CSF2RA: variants seen among roughly 807,000 people sequenced by gnomAD.
CSF2RA encodes colony stimulating factor 2 receptor subunit alpha.
In CSF2RA, 42 loss-of-function variants were observed where a neutral mutation model predicts 51.6. That is an observed-to-expected ratio of 0.81 (90% CI 0.64 to 1.05). The LOEUF (loss-of-function observed/expected upper bound fraction) is 1.05, where lower values mean the gene tolerates loss of function less well. Among genes scored for constraint, CSF2RA ranks in the 50% least tolerant of loss-of-function variants. The probability of loss-of-function intolerance (pLI) is 0.00; values close to 1 mark genes in which losing one functional copy is unlikely to be tolerated. For missense variants in CSF2RA, 530 were observed against 501.1 expected, an observed-to-expected ratio of 1.06 and a Z score of -0.55; for synonymous variants, 222 against 193.0, an observed-to-expected ratio of 1.15 and a Z score of -1.24.
At chrX:1,269,128 A>G (rs1341575455) in intron 1 of CSF2RA, among the ~76,000 whole-genome samples, 1 of 152,014 alleles carries the variant, frequency 6.6e-6, no homozygotes, top group Non-Finnish European at 1.5e-5. Context: ...AATAAAATAA[A>G]AAGAGGGAGG....
At chrX:1,272,483 A>G (rs1163891824) in intron 1 of CSF2RA, among the ~76,000 whole-genome samples, 1 of 150,340 alleles carries the variant, frequency 6.7e-6, no homozygotes, top group Non-Finnish European at 1.5e-5. Context: ...TCTTTATTTT[A>G]TTTTATTTTA....
intron 3 of CSF2RA, among the ~76,000 whole-genome samples, chrX:1,284,472 A>C: frequency 7.3e-6 from 1 of 136,326 alleles, no homozygotes; most frequent in Non-Finnish European, 1.5e-5. Flanking sequence ...TCTGTCACCC[A>C]GGCTGGAGTG....
chrX:1,293,273 C>T (rs1262980678), intron 7 of CSF2RA, among the ~76,000 whole-genome samples: 7 of 152,098 alleles, frequency 4.6e-5, no homozygotes, highest in African/African-American at 1.4e-4. Flanking sequence ...GGCTGGAGGG[C>T]AGTGGCGGGA....
chrX:1,302,100 G>A (rs1309636924), intron 10 of CSF2RA, among the ~76,000 whole-genome samples: 2 of 151,116 alleles, frequency 1.3e-5, no homozygotes, highest in African/African-American at 4.9e-5. Context: ...ATTTTTAGTA[G>A]AGACGGGGTT....
rs1399172803 is a variant in CSF2RA, at chrX:1,282,760, C to T, written c.57C>T (p.Leu19=). 1 of 1,613,806 alleles carries T rather than the reference C, an allele frequency of 6.2e-7. No homozygotes were observed. The highest frequency in any genetic ancestry group is 8.5e-7 in the Non-Finnish European group (1 of 1,179,752). ...LLCELPHPAF[L]LIPEKSDLRT... is the part of the protein sequence containing the mutation. ...GTGAGTTACCACACCCAGCATTCCT[C>T]CTGATCCCAGAGAAATCGGGTAAGT... is the stretch of plus-strand genomic sequence containing the variant. Residue 19 remains leucine, a synonymous_variant, in exon 3 of 13, where the codon CTC becomes CTT. Transcript: ENST00000381529.
the CSF2RA span, among the ~76,000 whole-genome samples, chrX:1,319,089 G>A: frequency 8.1e-5 from 12 of 147,572 alleles, no homozygotes; most frequent in Admixed American, 3.4e-4. Flanking sequence ...TCCGCCTCCC[G>A]GGTTCAAGCG....
At chrX:1,309,985 A>T, downstream of CSF2RA, 1 of 487,054 alleles carries the variant, frequency 2.1e-6, no homozygotes, top group Non-Finnish European at 3.6e-6. Flanking sequence ...TGCTGGAGAC[A>T]GGAGTTTAAG....
chrX:1,274,236 C>G (rs1339431047), intron 1 of CSF2RA, among the ~76,000 whole-genome samples: 17 of 152,008 alleles, frequency 1.1e-4, no homozygotes, highest in Admixed American at 1.3e-4. Context: ...AGGTTAAGGA[C>G]GCCTGCCCAT....
chrX:1,285,857 A>G lies in CSF2RA; in HGVS notation c.156A>G (p.Gln52=), dbSNP rs774362937. 11 of 1,613,840 alleles carry G rather than the reference A, an allele frequency of 6.8e-6. No individual in the cohort carries two copies. The highest frequency in any genetic ancestry group is 2.2e-5 in the East Asian group (1 of 44,902). ...SRTMNLSWDC[Q]ENTTFSKCFL... The stretch of plus-strand genomic sequence containing the variant: ...CGATGAATTTAAGCTGGGACTGCCA[A>G]GAAAACACAACCTTCAGCAAGTGTT... The change falls in exon 4 of 13, where the codon CAA becomes CAG. Residue 52 remains glutamine (Q), a synonymous_variant. Transcript: ENST00000381529.
chrX:1,323,443 G>A, the CSF2RA span, among the ~76,000 whole-genome samples: 15 of 152,174 alleles, frequency 9.9e-5, no homozygotes, highest in South Asian at 2.1e-4. Flanking sequence ...GGAGCATGTC[G>A]TCAGTCACTA....
chrX:1,283,156 T>C lies in CSF2RA; in HGVS notation c.76+377T>C, dbSNP rs1255195618. On this transcript the variant is annotated intron_variant, in intron 3 of 12. Transcript: ENST00000381529. ...CTTCCTTCCTTCCTTCCTTCCTTCG[T>C]TCCTTCCTTCGTTCCTTCCTTCCTT... Among the ~76,000 whole-genome samples, 3 of 38,640 alleles carry C rather than the reference T, an allele frequency of 7.8e-5. No homozygotes were observed. In the East Asian group the frequency reaches 4.3e-3, roughly 55 times the overall value. The allele number at this position is 38,640 out of a possible 152,430, so 25.3% of individuals were successfully genotyped here. A position where few individuals can be genotyped will look rare whatever the true frequency, so the allele number is the denominator to read the frequency against.
intron 7 of CSF2RA, among the ~76,000 whole-genome samples, chrX:1,293,311 C>G (rs374016090): frequency 0.014 from 2,091 of 152,198 alleles, 54 homozygotes; most frequent in African/African-American, 0.048. Flanking sequence ...CTCCGCCTCC[C>G]GGGTTCACGC....
rs137852353 is a variant in CSF2RA, at chrX:1,290,449, G to C, written c.586G>C (p.Gly196Arg). Residue 196 changes from glycine to arginine, a missense_variant, in exon 7 of 13, where the codon GGA (glycine) becomes CGA (arginine). Physicochemically the swap from Gly to Arg is moderately radical, Grantham distance 125. Transcript: ENST00000381529. ...LTSRNYFLVN[G>R]TSREIGIQFF... Reference sequence around the variant, plus strand: ...GTCTCGCAATTACTTTCTGGTTAACGGAACCAGCCGAGAAATTGGCATCCA... The same window carrying C: ...GTCTCGCAATTACTTTCTGGTTAACCGAACCAGCCGAGAAATTGGCATCCA... The C allele has an allele frequency of 1.2e-6, 2 of 1,613,804 alleles. No individual in the cohort carries two copies. Among genetic ancestry groups the C allele is most frequent in the African/African-American group, 2.7e-5 (2 of 75,006 alleles).
In CSF2RA at chrX:1,309,594, A is replaced by C; in HGVS notation, c.*115A>C. 6.2e-7 allele frequency: 1 copy of C among 1,613,858 alleles called. No individual in the cohort carries two copies. Among genetic ancestry groups the C allele is most frequent in the Non-Finnish European group, 8.5e-7 (1 of 1,179,772 alleles). The stretch of plus-strand genomic sequence containing the variant: ...ATTTTCTATGTTTTTATTTAAAAAC[A>C]TGACATTTGGGGCCAGGCGCGGTGG... On this transcript the variant is annotated 3_prime_UTR_variant, in exon 13 of 13. Coordinates refer to ENST00000381529, the MANE Select transcript of CSF2RA (RefSeq NM_172245.4).
intron 9 of CSF2RA, among the ~76,000 whole-genome samples, chrX:1,296,124 T>A: frequency 6.8e-6 from 1 of 148,088 alleles, no homozygotes; most frequent in Non-Finnish European, 1.5e-5. Flanking sequence ...AGCATAAACC[T>A]ACAGTCCCCT....
intron 12 of CSF2RA, 41 bp downstream of exon 12, chrX:1,305,568 T>C: frequency 6.2e-7 from 1 of 1,613,644 alleles, no homozygotes; most frequent in Non-Finnish European, 8.5e-7. Flanking sequence ...GGATGGAAGG[T>C]GGGGAGTGGG....
chrX:1,295,316 G>C, intron 8 of CSF2RA, 111 bp from the exon 9 acceptor site: 1 of 1,381,522 alleles, frequency 7.2e-7, no homozygotes, highest in Non-Finnish European at 1.0e-6. Flanking sequence ...CCACTCCGCA[G>C]GGACTCCTTC....
At chrX:1,294,518 G>T (rs1196730065) in intron 8 of CSF2RA, 57 bp downstream of exon 8, 5 of 1,606,568 alleles carry the variant, frequency 3.1e-6, no homozygotes, top group African/African-American at 1.3e-5. Flanking sequence ...GGACACGCCC[G>T]CACAGGAGCC....
Position 1,300,771 on chromosome X carries a change from A to G in CSF2RA, c.946+145A>G, listed in dbSNP as rs1437408715. ...GTGTCAGGCTCTGAGCTTATCGCTG[A>G]GGCTCAAAAGAAGGAGGTGGTCTCG... On this transcript the variant is annotated intron_variant, in intron 10 of 12. Coordinates refer to ENST00000381529, the MANE Select transcript of CSF2RA (RefSeq NM_172245.4). The G allele has an allele frequency of 7.5e-6, 8 of 1,069,622 alleles. No individual in the cohort carries two copies. In the Admixed American group the frequency reaches 9.7e-5, roughly 13 times the overall value. 66.3% of individuals were successfully genotyped at this position (1,069,622 alleles called of 1,614,324 possible). A position where few individuals can be genotyped will look rare whatever the true frequency, so the allele number is the denominator to read the frequency against.
Sources: gnomAD v4.1 joint callset for allele counts (sites outside exome capture counted in the v4.1 genomes callset) on GRCh38, gnomAD v4.1.1 for gene constraint, MANE v1.5 for transcripts, NCBI Gene and HGNC (gene_info 2026-07-23, HGNC 2026-07-21) for gene names.